PKHD1L1: variants seen among roughly 807,000 people sequenced by gnomAD.
The protein encoded by PKHD1L1 is PKHD1 like 1, also known as fibrocystin-L.
A neutral mutation model predicts 462.9 loss-of-function variants in PKHD1L1; 434 were observed. That is an observed-to-expected ratio of 0.94 (90% CI 0.87 to 1.02). PKHD1L1 has a LOEUF of 1.02. Ranked by LOEUF, PKHD1L1 falls within the 50% of genes least tolerant of loss-of-function variation. The probability of loss-of-function intolerance (pLI) is 0.00; values close to 1 mark genes in which losing one functional copy is unlikely to be tolerated. For synonymous variants in PKHD1L1, 1,781 were observed against 1,750.0 expected (o/e 1.02, Z -0.44); for missense variants, 5,202 against 5,096.1 (o/e 1.02, Z -0.63).
intron 9 of PKHD1L1, among the ~76,000 whole-genome samples, chr8:109,393,546 A>C (rs1213654183): frequency 6.6e-6 from 1 of 152,184 alleles, no homozygotes; most frequent in African/African-American, 2.4e-5. Flanking sequence ...GCTGTCATCC[A>C]TTTGCAGTGT....
At chr8:109,383,198 TTATA>T (rs1166651520) in intron 4 of PKHD1L1, among the ~76,000 whole-genome samples, 4 of 88,578 alleles carry the variant, frequency 4.5e-5, no homozygotes, top group African/African-American at 1.6e-4. Flanking sequence ...TTATATATAA[TTATA>T]TATTATATAA....
rs1814951625 is a variant in PKHD1L1, at chr8:109,429,323, A to G, written c.3001-17A>G. 1.4e-6 allele frequency: 2 copies of G among 1,476,492 alleles called. No homozygotes were observed. Among genetic ancestry groups the G allele is most frequent in the Non-Finnish European group, 1.8e-6 (2 of 1,082,744 alleles). 91.5% of individuals were successfully genotyped at this position (1,476,492 alleles called of 1,614,324 possible). A position where few individuals can be genotyped will look rare whatever the true frequency, so the allele number is the denominator to read the frequency against. Reference sequence around the variant, plus strand: ...TTGTTATAACCTTTCTAGTAAAATAATTGTGTGTAAAAATAGATTAATGAT... The same window carrying G: ...TTGTTATAACCTTTCTAGTAAAATAGTTGTGTGTAAAAATAGATTAATGAT... On this transcript the variant is annotated splice_polypyrimidine_tract_variant and intron_variant, in intron 25 of 77. Transcript: ENST00000378402.
At chr8:109,472,148 A>T (rs1222587861) in intron 50 of PKHD1L1, among the ~76,000 whole-genome samples, 1 of 152,156 alleles carries the variant, frequency 6.6e-6, no homozygotes, top group Non-Finnish European at 1.5e-5. Flanking sequence ...ATCATATTGT[A>T]GTTTAAAAGT....
rs1454979823 is a variant in PKHD1L1, at chr8:109,442,192, T to G, written c.4390T>G (p.Ser1464Ala). ...CACAAGTGGAAGACAAAAATCTACA[T>G]CAGGTATGTTTCTGCTTATTGGGTT... is the stretch of plus-strand genomic sequence containing the variant. ...GFTSGRQKST[S>A]GSFSYQFTSP... is the part of the protein sequence containing the mutation. Residue 1464 changes from serine (S) to alanine (A), a missense_variant, in exon 35 of 78, where the codon TCA (serine) becomes GCA (alanine). Transcript: ENST00000378402. 1.2e-6 allele frequency: 2 copies of G among 1,608,130 alleles called. No homozygotes were observed. The highest frequency in any genetic ancestry group is 1.7e-6 in the Non-Finnish European group (2 of 1,177,728).
At chr8:109,410,792 G>T (rs1456585766) in intron 19 of PKHD1L1, among the ~76,000 whole-genome samples, 1 of 132,248 alleles carries the variant, frequency 7.6e-6, no homozygotes, top group Non-Finnish European at 1.5e-5. Context: ...GCAGTGGCAC[G>T]ATCTTGGCTC....
chr8:109,524,681 A>G (rs1256881469), intron 76 of PKHD1L1, among the ~76,000 whole-genome samples: 1 of 152,166 alleles, frequency 6.6e-6, no homozygotes, highest in Non-Finnish European at 1.5e-5. Context: ...TTTCTTTCAT[A>G]CGTTAAGTTT....
rs182301925 is a variant in PKHD1L1, at chr8:109,534,097, G to A, written c.*4007G>A. 3.0e-4 allele frequency among the ~76,000 whole-genome samples: 45 copies of A among 152,338 alleles called. No individual in the cohort carries two copies. Among genetic ancestry groups the A allele is most frequent in the Non-Finnish European group, 5.0e-4 (34 of 68,026 alleles). On this transcript the variant is annotated 3_prime_UTR_variant, in exon 78 of 78. Transcript: ENST00000378402. ...TTAATCCTTCCTAATGGGAAAGGTG[G>A]ACAATGCCAAGGTTAAAATACCACA...
At chr8:109,477,553 A>C (rs186747759) in intron 53 of PKHD1L1, among the ~76,000 whole-genome samples, 157 bp downstream of exon 53, 6 of 152,320 alleles carry the variant, frequency 3.9e-5, no homozygotes, top group South Asian at 2.1e-4. Context: ...AGCCTTACAA[A>C]AACCTTCGTG....
chr8:109,451,158 T>C lies in PKHD1L1; in HGVS notation c.6350+9T>C, dbSNP rs776934511. The C allele has an allele frequency of 1.3e-6, 2 of 1,593,064 alleles. No homozygotes were observed. Among genetic ancestry groups the C allele is most frequent in the Admixed American group, 3.4e-5 (2 of 58,412 alleles). ...GTGGGATCAGGATTCAGGTACTGTC[T>C]CCACACAAACACGCATCATTGTGCA... On this transcript the variant is annotated intron_variant, in intron 41 of 77. Transcript: ENST00000378402.
At chr8:109,368,609 A>G (rs934458166) in intron 2 of PKHD1L1, among the ~76,000 whole-genome samples, 5 of 152,128 alleles carry the variant, frequency 3.3e-5, no homozygotes, top group African/African-American at 7.2e-5. Context: ...TTTCTTTCCC[A>G]TTGTTTTGAA....
Position 109,535,422 on chromosome 8 carries a change from G to A in PKHD1L1, c.*5332G>A, listed in dbSNP as rs538075490. Among the ~76,000 whole-genome samples, 2 of 152,144 alleles carry A rather than the reference G, an allele frequency of 1.3e-5. No homozygotes were observed. The highest frequency in any genetic ancestry group is 2.9e-5 in the Non-Finnish European group (2 of 68,016). On this transcript the variant is annotated 3_prime_UTR_variant, in exon 78 of 78. Transcript: ENST00000378402. ...TTATGAGTTCAATTTTCAAGTGAAA[G>A]TAATCCTTAAAGGATTTAATTTCAA...
intron 67 of PKHD1L1, among the ~76,000 whole-genome samples, chr8:109,503,749 C>T (rs1457899643): frequency 2.0e-5 from 3 of 152,196 alleles, no homozygotes; most frequent in African/African-American, 7.2e-5. Context: ...AACCATTTAG[C>T]TCATGATTCT....
At position 109,496,988 on chromosome 8, in the gene PKHD1L1, AC is replaced by A; in HGVS notation, c.10399del (p.Gln3467LysfsTer36). ...AHGGLYGIYM[N>X]QDGLPGCSLI... ...GGAGGTTTATATGGGATCTATATGAACCAAGATGGCCTTCCTGGATGTTCTC... is the reference window on the plus strand; with the variant it reads ...GGAGGTTTATATGGGATCTATATGAACAAGATGGCCTTCCTGGATGTTCTC... On this transcript the variant is annotated frameshift_variant, in exon 64 of 78. Transcript: ENST00000378402. LOFTEE classifies it high-confidence loss of function. The A allele has an allele frequency of 6.2e-7, 1 of 1,613,496 alleles. No individual in the cohort carries two copies. The highest frequency in any genetic ancestry group is 1.7e-4 in the Middle Eastern group (1 of 6,058).
At chr8:109,383,397 TA>T (rs1377796473) in intron 4 of PKHD1L1, among the ~76,000 whole-genome samples, 1 of 117,156 alleles carries the variant, frequency 8.5e-6, no homozygotes, top group African/African-American at 3.4e-5. Context: ...ATATATTATA[TA>T]TTACGTATAA....
intron 67 of PKHD1L1, among the ~76,000 whole-genome samples, chr8:109,500,673 CAAAAAAAAAAAAAAAA>C (rs34827783): frequency 2.1e-5 from 1 of 47,196 alleles, no homozygotes; most frequent in African/African-American, 8.1e-5. Context: ...AACTCTGTCT[CAAAAAAAAAAAAAAAA>C]AAAAAAAAAA....
At position 109,488,421 on chromosome 8, in the gene PKHD1L1, C is replaced by T. The variant is rs111922453; in HGVS notation, c.9881-1531C>T. Among the ~76,000 whole-genome samples the T allele has an allele frequency of 7.6e-3, 1,150 of 152,082 alleles. 4 individuals are homozygous for T. The highest frequency in any genetic ancestry group is 0.014 in the Middle Eastern group (4 of 294). ...GTTGATGCCTGTCCTCTTGACATGA[C>T]TTAGTTTTCTAAGCTTCTTTACTTT... On this transcript the variant is annotated intron_variant, in intron 59 of 77. Transcript: ENST00000378402.
At chr8:109,367,560 A>T (rs1029939319) in intron 2 of PKHD1L1, among the ~76,000 whole-genome samples, 5 of 152,222 alleles carry the variant, frequency 3.3e-5, no homozygotes, top group Non-Finnish European at 7.3e-5. Flanking sequence ...TGACTTGTAA[A>T]CATTTGCCAC....
chr8:109,469,079 G>T (rs1483099282), intron 50 of PKHD1L1, among the ~76,000 whole-genome samples: 2 of 152,054 alleles, frequency 1.3e-5, no homozygotes, highest in Admixed American at 1.3e-4. Flanking sequence ...TGATTCCTCT[G>T]CCCAGTGACT....
At position 109,491,897 on chromosome 8, in the gene PKHD1L1, A is replaced by G. The variant is rs1337472698; in HGVS notation, c.10139A>G (p.Asn3380Ser). ...GEGIRIWGNANRVRGNLIALS... is the reference protein window; with the variant it reads ...GEGIRIWGNASRVRGNLIALS... The stretch of plus-strand genomic sequence containing the variant: ...GGCATAAGAATATGGGGGAATGCCA[A>G]CCGAGTCCGAGGGAATTTGATTGCA... The change falls in exon 62 of 78, where the codon AAC becomes AGC. Residue 3380 changes from asparagine to serine, a missense_variant. By Grantham distance (46) the Asn-to-Ser change is conservative (BLOSUM62 1). Transcript: ENST00000378402. 1 of 1,604,740 alleles carries G rather than the reference A, an allele frequency of 6.2e-7. No homozygotes were observed. Among genetic ancestry groups the G allele is most frequent in the Non-Finnish European group, 8.5e-7 (1 of 1,173,246 alleles).
Sources: allele counts gnomAD v4.1 joint callset (sites outside exome capture counted in the v4.1 genomes callset), GRCh38; gene constraint gnomAD v4.1.1; transcripts MANE v1.5; gene names NCBI Gene and HGNC (gene_info 2026-07-23, HGNC 2026-07-21).